EPHA5: variants seen among roughly 807,000 people sequenced by gnomAD.
EPHA5 encodes the protein ephrin type-A receptor 5.
Under a neutral mutation model 105.0 loss-of-function variants are expected in EPHA5, and 60 were observed. The ratio of observed to expected loss-of-function variants is 0.57; its 90% CI spans 0.46 to 0.71. The LOEUF (loss-of-function observed/expected upper bound fraction) is 0.71. Among genes scored for constraint, EPHA5 ranks in the 30% least tolerant of loss-of-function variants. EPHA5 has a pLI of 0.00. For synonymous variants in EPHA5, 513 were observed against 449.1 expected (o/e 1.14, Z -1.80); for missense variants, 1,218 against 1,274.7 (o/e 0.96, Z 0.68).
chr4:65,469,672 T>A (rs1448572421), intron 5 of EPHA5, among the ~76,000 whole-genome samples: 2 of 152,264 alleles, frequency 1.3e-5, no homozygotes, highest in East Asian at 3.9e-4. Context: ...GTTTCTAATT[T>A]AACACAAAAA....
intron 3 of EPHA5, among the ~76,000 whole-genome samples, chr4:65,578,150 A>T (rs1033640800): frequency 6.6e-6 from 1 of 152,230 alleles, no homozygotes; most frequent in Admixed American, 6.5e-5. Context: ...CAAATGTGTA[A>T]TTCAAGTCCT....
intron 2 of EPHA5, among the ~76,000 whole-genome samples, chr4:65,622,668 G>A (rs768035173): frequency 1.3e-5 from 2 of 152,068 alleles, no homozygotes; most frequent in Non-Finnish European, 2.9e-5. Context: ...AGTGATAACA[G>A]AGGATGGTTT....
chr4:65,602,026 A>G lies in EPHA5; in HGVS notation c.525T>C (p.Asp175=), dbSNP rs2149439996. The change falls in exon 3 of 17, where the codon GAT becomes GAC. Residue 175 remains aspartate, a synonymous_variant. Coordinates refer to ENST00000613740, the MANE Select transcript of EPHA5 (RefSeq NM_001281766.3). The stretch of plus-strand genomic sequence containing the variant: ...TAAAGCTTTCATCGGCAGCAATGGT[A>G]TCAATTTTGATGTATTGGTTTTCCT... ...NIKENQYIKI[D]TIAADESFTE... is the part of the protein sequence containing the mutation. 1.2e-6 allele frequency: 2 copies of G among 1,614,160 alleles called. No homozygotes were observed. The highest frequency in any genetic ancestry group is 1.1e-5 in the South Asian group (1 of 91,076).
chr4:65,385,147 A>T (rs905011829), intron 8 of EPHA5, among the ~76,000 whole-genome samples: 2 of 151,908 alleles, frequency 1.3e-5, no homozygotes, highest in African/African-American at 4.8e-5. Flanking sequence ...TTATAAACAC[A>T]GCTTTGAAAG....
Position 65,431,147 on chromosome 4 carries a change from C to T in EPHA5, c.1403-10582G>A, listed in dbSNP as rs577255261. 3.9e-5 allele frequency among the ~76,000 whole-genome samples: 6 copies of T among 152,158 alleles called. No homozygotes were observed. The South Asian group carries it at 6.2e-4, about 16-fold the overall frequency. ...CAAGATAAATCCTCACAACGATTAA[C>T]GGTACACACAAAATGACTGCTCTCC... On this transcript the variant is annotated intron_variant, in intron 5 of 16. Transcript: ENST00000613740.
chr4:65,485,916 C>A (rs1376039103), intron 5 of EPHA5, among the ~76,000 whole-genome samples: 1 of 152,120 alleles, frequency 6.6e-6, no homozygotes, highest in African/African-American at 2.4e-5. Flanking sequence ...GAGGGACTCT[C>A]ACTGAAATTT....
intron 3 of EPHA5, among the ~76,000 whole-genome samples, chr4:65,557,430 AATT>A (rs1418270384): frequency 6.6e-6 from 1 of 151,744 alleles, no homozygotes; most frequent in Non-Finnish European, 1.5e-5. Context: ...TTGTTTTTAT[AATT>A]ATTATCATCA....
At chr4:65,661,682 G>A (rs149839694) in intron 1 of EPHA5, among the ~76,000 whole-genome samples, 1 of 152,246 alleles carries the variant, frequency 6.6e-6, no homozygotes, top group Non-Finnish European at 1.5e-5. Context: ...AGCTTTGGGT[G>A]AAAGCCAAGT....
intron 3 of EPHA5, among the ~76,000 whole-genome samples, chr4:65,569,797 T>TA (rs1425204699): frequency 2.0e-5 from 3 of 151,760 alleles, no homozygotes; most frequent in Non-Finnish European, 4.4e-5. Flanking sequence ...GGAACTTAGT[T>TA]AAGGGTATAG....
At chr4:65,491,513 G>T (rs915396051) in intron 4 of EPHA5, among the ~76,000 whole-genome samples, 2 of 151,894 alleles carry the variant, frequency 1.3e-5, no homozygotes, top group Admixed American at 6.6e-5. Flanking sequence ...AATAAGAAAA[G>T]AAATAGATTT....
At chr4:65,354,320 T>C (rs1723101226) in intron 11 of EPHA5, among the ~76,000 whole-genome samples, 1 of 151,816 alleles carries the variant, frequency 6.6e-6, no homozygotes, top group South Asian at 2.1e-4. Context: ...TGACATTTCA[T>C]ACCTAGTATG....
chr4:65,348,176 C>A lies in EPHA5; in HGVS notation c.2473G>T (p.Ala825Ser), dbSNP rs765823020. The A allele has an allele frequency of 1.8e-5, 29 of 1,612,656 alleles. 1 individual carries two copies. The South Asian group carries it at 2.6e-4, about 15-fold the overall frequency. Residue 825 changes from alanine to serine, a missense_variant, in exon 14 of 17, where the codon GCC becomes TCC. By Grantham distance (99) the Ala-to-Ser change is moderately conservative. This residue lies in a region of EPHA5 where 971 missense variants were observed against 1,013.5 expected (regional missense o/e 0.96). Transcript: ENST00000613740. ...TTTCGGAAAGCTATTGCTTCTGGGG[C>A]AGTCCATCTGATTGGAATTTTTCCT... is the stretch of plus-strand genomic sequence containing the variant. ...RGGKIPIRWT[A>S]PEAIAFRKFT...
At chr4:65,449,440 T>C (rs969362959) in intron 5 of EPHA5, among the ~76,000 whole-genome samples, 2 of 152,162 alleles carry the variant, frequency 1.3e-5, no homozygotes, top group Admixed American at 1.3e-4. Context: ...TTTAATTCTA[T>C]GTATCTGCCA....
chr4:65,568,586 T>C (rs1739802355), intron 3 of EPHA5, among the ~76,000 whole-genome samples: 1 of 151,204 alleles, frequency 6.6e-6, no homozygotes, highest in Non-Finnish European at 1.5e-5. Context: ...TATTGTGTTT[T>C]ATTTTACATT....
chr4:65,357,004 A>C (rs973367366), intron 11 of EPHA5, among the ~76,000 whole-genome samples: 1 of 151,528 alleles, frequency 6.6e-6, no homozygotes. Context: ...CTCATAAAGC[A>C]TGTCAAAACA....
intron 3 of EPHA5, among the ~76,000 whole-genome samples, chr4:65,564,310 A>G (rs1375433939): frequency 6.6e-6 from 1 of 151,872 alleles, no homozygotes; most frequent in Non-Finnish European, 1.5e-5. Flanking sequence ...ATATCAACAA[A>G]TATTTCTAAA....
intron 11 of EPHA5, among the ~76,000 whole-genome samples, chr4:65,358,226 A>G (rs531056333): frequency 6.6e-6 from 1 of 151,646 alleles, no homozygotes; most frequent in South Asian, 2.1e-4. Flanking sequence ...TTGCATTCAT[A>G]CCATCTGCCT....
intron 3 of EPHA5, among the ~76,000 whole-genome samples, chr4:65,525,897 G>A (rs909094650): frequency 1.3e-5 from 2 of 151,784 alleles, no homozygotes; most frequent in African/African-American, 4.8e-5. Flanking sequence ...TCTTTTGGTA[G>A]GGGTCGCTGT....
At chr4:65,437,337 C>A (rs1378503179) in intron 5 of EPHA5, among the ~76,000 whole-genome samples, 1 of 151,974 alleles carries the variant, frequency 6.6e-6, no homozygotes. Flanking sequence ...GGCTATTGTT[C>A]TTGCAAGTGC....
Sources: gnomAD v4.1 joint callset for allele counts (sites outside exome capture counted in the v4.1 genomes callset) on GRCh38, gnomAD v4.1.1 for gene constraint, gnomAD v4.1.1 regional missense constraint, MANE v1.5 for transcripts, NCBI Gene and HGNC (gene_info 2026-07-23, HGNC 2026-07-21) for gene names.